Variants in SCIN observed in about 807,000 individuals in gnomAD.
SCIN encodes the protein scinderin.
Under a neutral mutation model 91.8 loss-of-function variants are expected in SCIN, and 91 were observed. That is an observed-to-expected ratio of 0.99 (90% CI 0.84 to 1.18). SCIN has a LOEUF of 1.18. SCIN is among the 50% of genes most tolerant of loss of function. The probability of loss-of-function intolerance (pLI) is 0.00; values close to 1 mark genes in which losing one functional copy is unlikely to be tolerated. For missense variants in SCIN, 1,087 were observed against 863.9 expected, an observed-to-expected ratio of 1.26 and a Z score of -3.24; for synonymous variants, 367 against 312.6, an observed-to-expected ratio of 1.17 and a Z score of -1.84.
At chr7:12,578,879 C>T (rs1583273222) in intron 2 of SCIN, among the ~76,000 whole-genome samples, 3 of 118,568 alleles carry the variant, frequency 2.5e-5, no homozygotes, top group Admixed American at 2.5e-4. Flanking sequence ...ATGGTTCTAT[C>T]CCTTTAAGGC....
intron 3 of SCIN, among the ~76,000 whole-genome samples, chr7:12,591,084 C>A (rs899091203): frequency 1.3e-5 from 2 of 151,960 alleles, no homozygotes; most frequent in East Asian, 1.9e-4. Flanking sequence ...AGTTGATCAT[C>A]GGGGTTGGTG....
chr7:12,655,132 C>T lies in SCIN; in HGVS notation c.*2417C>T, dbSNP rs982706602. The stretch of plus-strand genomic sequence containing the variant: ...TACCATTCTCCTGTATACTCTAAGT[C>T]ATCTCTGCGTTACTTATAATACCTA... On this transcript the variant is annotated 3_prime_UTR_variant, in exon 16 of 16. Coordinates refer to ENST00000297029, the MANE Select transcript of SCIN (RefSeq NM_001112706.3). 2 of 152,196 alleles carry T rather than the reference C, an allele frequency of 1.3e-5. No homozygotes were observed. Among genetic ancestry groups the T allele is most frequent in the African/African-American group, 4.8e-5 (2 of 41,450 alleles). 9.4% of individuals were successfully genotyped at this position (152,196 alleles called of 1,614,324 possible). A position where few individuals can be genotyped will look rare whatever the true frequency, so the allele number is the denominator to read the frequency against.
In SCIN at chr7:12,651,543, C is replaced by A. The variant is rs1784079015; in HGVS notation, c.1960-298C>A. Among the ~76,000 whole-genome samples the A allele has an allele frequency of 6.8e-6, 1 of 147,646 alleles. No individual in the cohort carries two copies. ...GATGAAAAAAAAAAGTCCACCCAGA[C>A]AATCTGTTTTTTTTTGTGAAAGATC... On this transcript the variant is annotated intron_variant, in intron 14 of 15. Transcript: ENST00000297029. The surrounding 1 kb of genome is among the most constrained non-coding windows in gnomAD (Gnocchi z 5.9).
intron 4 of SCIN, among the ~76,000 whole-genome samples, chr7:12,610,677 G>T (rs1783172106): frequency 6.6e-6 from 1 of 152,260 alleles, no homozygotes; most frequent in East Asian, 1.9e-4. Flanking sequence ...GCTGATTAAA[G>T]TAAGTTTTAA....
intron 3 of SCIN, among the ~76,000 whole-genome samples, chr7:12,583,112 CT>C (rs1782522274): frequency 6.6e-6 from 1 of 150,518 alleles, no homozygotes; most frequent in African/African-American, 2.4e-5. Flanking sequence ...TATTTCTTTT[CT>C]TAAAAAAAAA....
intron 2 of SCIN, among the ~76,000 whole-genome samples, chr7:12,579,887 C>T (rs577918349): frequency 6.6e-5 from 10 of 152,274 alleles, no homozygotes; most frequent in African/African-American, 2.4e-4. Flanking sequence ...GCTCTCCAGC[C>T]TGGGAGACAT....
Position 12,657,538 on chromosome 7 carries a change from GTATATATATATATATATA to G in SCIN, c.*4841_*4858del, listed in dbSNP as rs1174371206. 33 of 27,634 alleles carry G rather than the reference GTATATATATATATATATA, an allele frequency of 1.2e-3. No individual in the cohort carries two copies. Among genetic ancestry groups the G allele is most frequent in the African/African-American group, 1.8e-3 (23 of 12,900 alleles). 1.7% of individuals were successfully genotyped at this position (27,634 alleles called of 1,614,324 possible). ...ATTTTTAAGTTTTATATATGTGTGT[GTATATATATATATATATA>G]TATATATATATATATATTTTTTTTT... On this transcript the variant is annotated 3_prime_UTR_variant, in exon 16 of 16. Coordinates refer to ENST00000297029, the MANE Select transcript of SCIN (RefSeq NM_001112706.3).
At chr7:12,625,583 C>T (rs2115274098) in intron 6 of SCIN, among the ~76,000 whole-genome samples, 179 bp from the exon 7 acceptor site, 1 of 152,020 alleles carries the variant, frequency 6.6e-6, no homozygotes, top group East Asian at 1.9e-4. Context: ...CCTGCCTTGG[C>T]TTCCCAAAGT....
intron 4 of SCIN, among the ~76,000 whole-genome samples, chr7:12,618,372 A>C (rs572635309): frequency 6.6e-6 from 1 of 152,252 alleles, no homozygotes; most frequent in East Asian, 1.9e-4. Context: ...AGCCCAGTTC[A>C]CTTTGTCTTT....
In SCIN at chr7:12,657,913, C is replaced by G. The variant is rs1260109190; in HGVS notation, c.*5198C>G. On this transcript the variant is annotated 3_prime_UTR_variant, in exon 16 of 16. Coordinates refer to ENST00000297029, the MANE Select transcript of SCIN (RefSeq NM_001112706.3). Reference sequence around the variant, plus strand: ...ATTCAGTAGTCATATTTCCTGTTGCCTATAAAAAATTGATGCTTTAATTTA... The same window carrying G: ...ATTCAGTAGTCATATTTCCTGTTGCGTATAAAAAATTGATGCTTTAATTTA... The G allele has an allele frequency of 6.6e-6, 1 of 151,880 alleles. No homozygotes were observed. Among genetic ancestry groups the G allele is most frequent in the African/African-American group, 2.4e-5 (1 of 41,366 alleles). The allele number at this position is 151,880 out of a possible 1,614,324, so 9.4% of individuals were successfully genotyped here. A position where few individuals can be genotyped will look rare whatever the true frequency, so the allele number is the denominator to read the frequency against.
At chr7:12,600,172 A>G (rs1217371222) in intron 3 of SCIN, among the ~76,000 whole-genome samples, 1 of 152,216 alleles carries the variant, frequency 6.6e-6, no homozygotes, top group Admixed American at 6.5e-5. Flanking sequence ...ACTCAGCCAT[A>G]AAGAGGAACG....
In SCIN at chr7:12,654,024, GA is replaced by G. The variant is rs1210172713; in HGVS notation, c.*1314del. On this transcript the variant is annotated 3_prime_UTR_variant, in exon 16 of 16. Transcript: ENST00000297029. ...TATCTACTAATCTATATAGGTCATT[GA>G]AAAAGAAGAAGCTACGTTAGAACCC... 6.6e-6 allele frequency: 1 copy of G among 152,128 alleles called. No individual in the cohort carries two copies. The highest frequency in any genetic ancestry group is 1.9e-4 in the East Asian group (1 of 5,176). The allele number at this position is 152,128 out of a possible 1,614,324, so 9.4% of individuals were successfully genotyped here.
At chr7:12,618,878 C>G (rs1231996564) in intron 4 of SCIN, among the ~76,000 whole-genome samples, 2 of 152,080 alleles carry the variant, frequency 1.3e-5, no homozygotes, top group East Asian at 3.8e-4. Context: ...ACAGAGTCAT[C>G]TACCCTAAAA....
intron 3 of SCIN, 88 bp downstream of exon 3, chr7:12,581,309 C>G (rs1429484855): frequency 8.2e-6 from 11 of 1,346,718 alleles, no homozygotes; most frequent in Non-Finnish European, 1.0e-5. Flanking sequence ...AAAAGAATCA[C>G]TTTTTCTACA....
At chr7:12,607,610 A>G (rs904431550) in intron 4 of SCIN, among the ~76,000 whole-genome samples, 1 of 152,242 alleles carries the variant, frequency 6.6e-6, no homozygotes, top group African/African-American at 2.4e-5. Context: ...AAAATCCTAC[A>G]AAGCACCCAC....
chr7:12,586,255 A>T (rs929109228), intron 3 of SCIN, among the ~76,000 whole-genome samples: 1 of 152,160 alleles, frequency 6.6e-6, no homozygotes, highest in African/African-American at 2.4e-5. Context: ...TCAAGCTCCT[A>T]TTTCCCCAGA....
At position 12,644,297 on chromosome 7, in the gene SCIN, C is replaced by G. The variant is rs1281372496; in HGVS notation, c.1741C>G (p.Gln581Glu). The change falls in exon 12 of 16, where the codon CAA becomes GAA. Residue 581 changes from glutamine to glutamate, a missense_variant. Transcript: ENST00000297029. ...CCTAAAGTGCAAAACCTTAAGGATC[C>G]AAGAAGGCGAGGAGCCAGGTGTGTG... ...SVLKCKTLRI[Q>E]EGEEPEEFWN... 1.3e-6 allele frequency: 2 copies of G among 1,588,334 alleles called. No homozygotes were observed. The highest frequency in any genetic ancestry group is 3.6e-5 in the Admixed American group (2 of 55,590).
At chr7:12,625,498 T>A (rs953108647) in intron 6 of SCIN, among the ~76,000 whole-genome samples, 3 of 150,712 alleles carry the variant, frequency 2.0e-5, no homozygotes, top group Admixed American at 6.6e-5. Flanking sequence ...CCAGCTAATT[T>A]TTTTGTATTT....
At position 12,655,014 on chromosome 7, in the gene SCIN, G is replaced by C. The variant is rs73048781; in HGVS notation, c.*2299G>C. On this transcript the variant is annotated 3_prime_UTR_variant, in exon 16 of 16. Coordinates refer to ENST00000297029, the MANE Select transcript of SCIN (RefSeq NM_001112706.3). ...GATATACGGTTTTTCTTCAGTATCC[G>C]CGGGAGATTGGCTCGAGGAACCCCA... 1 of 152,030 alleles carries C rather than the reference G, an allele frequency of 6.6e-6. No homozygotes were observed. The highest frequency in any genetic ancestry group is 2.1e-4 in the South Asian group (1 of 4,828). The allele number at this position is 152,030 out of a possible 1,614,324, so 9.4% of individuals were successfully genotyped here. A position where few individuals can be genotyped will look rare whatever the true frequency, so the allele number is the denominator to read the frequency against.
Sources: allele counts gnomAD v4.1 joint callset (sites outside exome capture counted in the v4.1 genomes callset), GRCh38; gene constraint gnomAD v4.1.1; non-coding constraint Gnocchi (gnomAD v3.1); transcripts MANE v1.5; gene names NCBI Gene and HGNC (gene_info 2026-07-23, HGNC 2026-07-21).